Variants in CDK8 observed in about 807,000 individuals in gnomAD.
CDK8 encodes the protein cyclin-dependent kinase 8.
Under a neutral mutation model 71.5 loss-of-function variants are expected in CDK8, and 29 were observed. The observed-to-expected ratio is 0.41, with a 90% CI of 0.30 to 0.55. CDK8 has a LOEUF of 0.55. CDK8 is among the 20% of genes least tolerant of loss of function. The pLI is 0.37. For missense variants in CDK8, 288 were observed against 572.6 expected, an observed-to-expected ratio of 0.50 and a Z score of 5.07; for synonymous variants, 161 against 192.1, an observed-to-expected ratio of 0.84 and a Z score of 1.34.
intron 1 of CDK8, among the ~76,000 whole-genome samples, chr13:26,256,190 A>G (rs1403647720): frequency 2.0e-5 from 3 of 152,190 alleles, no homozygotes; most frequent in Non-Finnish European, 4.4e-5. Context: ...TTTTAGCGGA[A>G]TGGATAGTCT....
At chr13:26,394,658 T>A (rs962585378) in intron 7 of CDK8, among the ~76,000 whole-genome samples, 3 of 152,170 alleles carry the variant, frequency 2.0e-5, no homozygotes, top group Admixed American at 1.3e-4. Context: ...ATAGCTTCTG[T>A]GAGGGAGTAG....
intron 1 of CDK8, among the ~76,000 whole-genome samples, chr13:26,329,483 G>GTTTTTTTTTTTTTTTTTTTTTTT (rs543441898): frequency 5.4e-5 from 7 of 128,488 alleles, no homozygotes; most frequent in Non-Finnish European, 9.4e-5. Context: ...TTTTTTTTTT[G>GTTTTTTTTTTTTTTTTTTTTTTT]TTTTTTTTTT....
intron 6 of CDK8, among the ~76,000 whole-genome samples, chr13:26,388,833 C>A (rs543451930): frequency 6.6e-6 from 1 of 152,090 alleles, no homozygotes; most frequent in African/African-American, 2.4e-5. Flanking sequence ...GGAGAGAGGC[C>A]TTTCTTCATA....
At chr13:26,298,991 T>C (rs1039429636) in intron 1 of CDK8, among the ~76,000 whole-genome samples, 2 of 152,178 alleles carry the variant, frequency 1.3e-5, no homozygotes, top group African/African-American at 4.8e-5. Context: ...GCTTTTCTAA[T>C]GCTAGAGCCA....
At chr13:26,265,283 T>C (rs1871972849) in intron 1 of CDK8, among the ~76,000 whole-genome samples, 1 of 152,152 alleles carries the variant, frequency 6.6e-6, no homozygotes, top group Non-Finnish European at 1.5e-5. Flanking sequence ...ACTTACAGAC[T>C]TTTGAGGGGC....
At chr13:26,268,682 A>G (rs1034495891) in intron 1 of CDK8, among the ~76,000 whole-genome samples, 1 of 152,276 alleles carries the variant, frequency 6.6e-6, no homozygotes, top group Middle Eastern at 3.4e-3. Flanking sequence ...CGAGAGCCAT[A>G]TAGGTATTTA....
chr13:26,260,387 T>G (rs992529555), intron 1 of CDK8, among the ~76,000 whole-genome samples: 12 of 152,224 alleles, frequency 7.9e-5, no homozygotes, highest in African/African-American at 2.9e-4. Flanking sequence ...AAGCAGCCTC[T>G]GAAATCCAGG....
intron 1 of CDK8, among the ~76,000 whole-genome samples, chr13:26,303,174 TACTA>T: frequency 6.6e-6 from 1 of 152,272 alleles, no homozygotes; most frequent in East Asian, 1.9e-4. Flanking sequence ...TTTTTCTCTT[TACTA>T]ACTATAGCTT....
At chr13:26,316,408 TA>T (rs1408032473) in intron 1 of CDK8, among the ~76,000 whole-genome samples, 1 of 152,100 alleles carries the variant, frequency 6.6e-6, no homozygotes, top group Non-Finnish European at 1.5e-5. Context: ...GATGGGTAGT[TA>T]TCATTTTTCC....
intron 1 of CDK8, among the ~76,000 whole-genome samples, chr13:26,278,546 G>A (rs751319537): frequency 2.6e-5 from 4 of 152,148 alleles, no homozygotes; most frequent in Non-Finnish European, 5.9e-5. Flanking sequence ...TGAGAGATGG[G>A]ATAAAACTTG....
intron 5 of CDK8, among the ~76,000 whole-genome samples, chr13:26,383,584 T>A (rs1284066543): frequency 5.9e-5 from 9 of 152,196 alleles, no homozygotes; most frequent in South Asian, 2.1e-4. Context: ...GAAGAAATGT[T>A]TAAATTGTAT....
In CDK8 at chr13:26,401,203, C is replaced by T; in HGVS notation, c.1032-66C>T. The T allele has an allele frequency of 8.2e-7, 1 of 1,215,218 alleles. No homozygotes were observed. The allele number at this position is 1,215,218 out of a possible 1,614,324, so 75.3% of individuals were successfully genotyped here. On this transcript the variant is annotated intron_variant, in intron 10 of 12. Transcript: ENST00000381527. This position sits in a 1 kb window ranked among gnomAD's most constrained non-coding sequence, Gnocchi z 4.5. The stretch of plus-strand genomic sequence containing the variant: ...TCTTAAAAGATTAAAATGAGAATCT[C>T]CTAAATGAAGCATTTGGAATATTGA...
intron 6 of CDK8, among the ~76,000 whole-genome samples, chr13:26,389,049 T>TA (rs1228672505): frequency 6.7e-6 from 1 of 149,276 alleles, no homozygotes; most frequent in Non-Finnish European, 1.5e-5. Context: ...GTTGTAGTCT[T>TA]ACTTCTATCA....
At chr13:26,268,256 A>ACACACAC (rs1872125882) in intron 1 of CDK8, among the ~76,000 whole-genome samples, 8 of 116,766 alleles carry the variant, frequency 6.9e-5, no homozygotes, top group African/African-American at 2.5e-4. Flanking sequence ...CCCCTCCCCC[A>ACACACAC]ACACACACAC....
At chr13:26,403,692 T>C (rs970844465) in intron 12 of CDK8, among the ~76,000 whole-genome samples, 7 of 152,100 alleles carry the variant, frequency 4.6e-5, no homozygotes. Context: ...TAAAAAGGGG[T>C]TACTCCTGTA....
At chr13:26,309,930 AT>A (rs1874210283) in intron 1 of CDK8, among the ~76,000 whole-genome samples, 1 of 151,890 alleles carries the variant, frequency 6.6e-6, no homozygotes, top group Non-Finnish European at 1.5e-5. Context: ...AATTTTTTGT[AT>A]TTTTAGTAGA....
chr13:26,322,982 C>G (rs756350056), intron 1 of CDK8, among the ~76,000 whole-genome samples: 1 of 151,972 alleles, frequency 6.6e-6, no homozygotes, highest in Non-Finnish European at 1.5e-5. Flanking sequence ...AGCGGTAGTT[C>G]CATTTAACTG....
intron 2 of CDK8, among the ~76,000 whole-genome samples, chr13:26,339,700 TTTA>T (rs1873145640): frequency 1.6e-5 from 2 of 121,806 alleles, no homozygotes; most frequent in Admixed American, 9.7e-5. Flanking sequence ...TTCCATTTTA[TTTA>T]TTTATTTATT....
chr13:26,341,924 T>C (rs1232598705), intron 2 of CDK8, among the ~76,000 whole-genome samples: 1 of 152,218 alleles, frequency 6.6e-6, no homozygotes, highest in Non-Finnish European at 1.5e-5. Flanking sequence ...ACCTTCTGTT[T>C]TCAATTTTTT....
Sources: gnomAD v4.1 joint callset for allele counts (sites outside exome capture counted in the v4.1 genomes callset) on GRCh38, gnomAD v4.1.1 for gene constraint, Gnocchi (gnomAD v3.1) non-coding constraint, MANE v1.5 for transcripts, NCBI Gene and HGNC (gene_info 2026-07-23, HGNC 2026-07-21) for gene names.